Variants in COL17A1 observed in about 807,000 individuals in gnomAD.
COL17A1 encodes collagen alpha-1(XVII) chain.
Under a neutral mutation model 218.4 loss-of-function variants are expected in COL17A1, and 181 were observed. The observed-to-expected ratio is 0.83, with a 90% CI of 0.73 to 0.94. The LOEUF (loss-of-function observed/expected upper bound fraction) is 0.94. Among genes scored for constraint, COL17A1 ranks in the 40% least tolerant of loss-of-function variants. COL17A1 has a pLI of 0.00. For missense variants in COL17A1, 1,924 were observed against 1,945.9 expected (o/e 0.99, Z 0.21); for synonymous variants, 721 against 731.0 (o/e 0.99, Z 0.22).
chr10:104,047,977 C>T lies in COL17A1; in HGVS notation c.2263+92G>A, dbSNP rs2086429265. 2.0e-6 allele frequency: 3 copies of T among 1,500,376 alleles called. No individual in the cohort carries two copies. In the South Asian group the frequency reaches 3.4e-5, roughly 17 times the overall value. The allele number at this position is 1,500,376 out of a possible 1,614,324, so 92.9% of individuals were successfully genotyped here. On this transcript the variant is annotated intron_variant, in intron 30 of 55. Coordinates refer to ENST00000648076, the MANE Select transcript of COL17A1 (RefSeq NM_000494.4). ...TGCACACTTCCACATGCTATATGCT[C>T]CTCTGCACTATGGTTAAGGGGACTG...
At chr10:104,066,932 A>C (rs1162809956) in intron 9 of COL17A1, among the ~76,000 whole-genome samples, 2 of 152,136 alleles carry the variant, frequency 1.3e-5, no homozygotes, top group African/African-American at 4.8e-5. Context: ...GGAATTTTAA[A>C]TAGGAAATAA....
intron 52 of COL17A1, 35 bp downstream of exon 52, chr10:104,033,909 TC>T (rs759186888): frequency 1.7e-5 from 28 of 1,613,420 alleles, no homozygotes; most frequent in South Asian, 4.4e-5. Context: ...CCACGCTCCT[TC>T]CCCCCAGCAC....
At chr10:104,044,944 T>G (rs776097685) in intron 33 of COL17A1, among the ~76,000 whole-genome samples, 3 of 152,172 alleles carry the variant, frequency 2.0e-5, no homozygotes, top group Non-Finnish European at 4.4e-5. Flanking sequence ...AAGAACTCCT[T>G]GGCCCAATCA....
At chr10:104,032,844 C>T in intron 54 of COL17A1, 62 bp downstream of exon 54, 1 of 1,612,086 alleles carries the variant, frequency 6.2e-7, no homozygotes, top group South Asian at 1.1e-5. Flanking sequence ...ACAGGAGCTG[C>T]TTTTCAGTAC....
intron 8 of COL17A1, among the ~76,000 whole-genome samples, chr10:104,071,322 T>C (rs2086667725): frequency 1.3e-5 from 2 of 151,834 alleles, no homozygotes. Flanking sequence ...GGGCCTGGAG[T>C]CAGACTCCAC....
Position 104,039,982 on chromosome 10 carries a change from C to T in COL17A1, c.2779G>A (p.Gly927Arg). ...KGDQGPPGPR[G>R]HQGEQGLPGF... ...GCCGGCTCTACTGTACCTTGGTGTCCTCTGGGGCCTGGGGGACCTGAGGGA... is the reference window on the plus strand; with the variant it reads ...GCCGGCTCTACTGTACCTTGGTGTCTTCTGGGGCCTGGGGGACCTGAGGGA... The change falls in exon 41 of 56, where the codon GGA becomes AGA. Residue 927 changes from glycine (G) to arginine (R), a missense_variant. Transcript: ENST00000648076. 1 of 1,614,134 alleles carries T rather than the reference C, an allele frequency of 6.2e-7. No homozygotes were observed. Among genetic ancestry groups the T allele is most frequent in the Non-Finnish European group, 8.5e-7 (1 of 1,180,028 alleles).
intron 9 of COL17A1, among the ~76,000 whole-genome samples, chr10:104,067,377 G>C (rs1292504570): frequency 6.7e-6 from 1 of 148,928 alleles, no homozygotes; most frequent in African/African-American, 2.5e-5. Context: ...ACATCCAGAG[G>C]ACCTAGTAGG....
chr10:104,052,880 A>C, intron 23 of COL17A1, 151 bp downstream of exon 23: 2 of 953,944 alleles, frequency 2.1e-6, no homozygotes, highest in Non-Finnish European at 3.4e-6. Flanking sequence ...GCGTCTCTGC[A>C]GGGCCTAGCA....
In COL17A1 at chr10:104,032,713, G is replaced by A. The variant is rs1416216500; in HGVS notation, c.4399C>T (p.Pro1467Ser). The A allele has an allele frequency of 6.2e-7, 1 of 1,614,052 alleles. No homozygotes were observed. Among genetic ancestry groups the A allele is most frequent in the Non-Finnish European group, 8.5e-7 (1 of 1,180,018 alleles). Residue 1467 changes from proline (P) to serine (S), a missense_variant, in exon 55 of 56, where the codon CCT (proline) becomes TCT (serine). Transcript: ENST00000648076. ...TCTCCCTTGTGTCCTCGAGGGCCAGGTGGCCCAGGATGACCTGGTGGCCCA... is the reference window on the plus strand; with the variant it reads ...TCTCCCTTGTGTCCTCGAGGGCCAGATGGCCCAGGATGACCTGGTGGCCCA... ...PAGPPGHPGPPGPRGHKGEKG... is the reference protein window; with the variant it reads ...PAGPPGHPGPSGPRGHKGEKG...
At chr10:104,046,869 G>T in intron 31 of COL17A1, 96 bp from the exon 32 acceptor site, 1 of 1,145,854 alleles carries the variant, frequency 8.7e-7, no homozygotes, top group Non-Finnish European at 1.3e-6. Flanking sequence ...ACACTGCAGT[G>T]GAGGGGTCAG....
At chr10:104,042,582 A>C (rs1409002354) in intron 35 of COL17A1, 127 bp from the exon 36 acceptor site, 1 of 901,648 alleles carries the variant, frequency 1.1e-6, no homozygotes, top group Non-Finnish European at 1.8e-6. Context: ...ATTTGAGAGC[A>C]ATAAGCAATT....
At position 104,061,492 on chromosome 10, in the gene COL17A1, G is replaced by T; in HGVS notation, c.911-19C>A. The T allele has an allele frequency of 6.2e-7, 1 of 1,610,372 alleles. No homozygotes were observed. ...CCATATGCTGCAAGAAAGGAAGCTG[G>T]GTCAGCATGGGAGGGTGGTTCCAGG... On this transcript the variant is annotated intron_variant, in intron 12 of 55. Transcript: ENST00000648076.
chr10:104,075,644 T>C (rs2086703097), intron 5 of COL17A1, among the ~76,000 whole-genome samples: 1 of 152,254 alleles, frequency 6.6e-6, no homozygotes, highest in African/African-American at 2.4e-5. Context: ...ATTGTTTTGC[T>C]AAAAACTCTC....
chr10:104,085,004 T>G (rs1018986564), intron 1 of COL17A1, among the ~76,000 whole-genome samples: 1 of 152,210 alleles, frequency 6.6e-6, no homozygotes, highest in African/African-American at 2.4e-5. Flanking sequence ...CTTAGGTATC[T>G]AAACTGGTAA....
intron 25 of COL17A1, 43 bp downstream of exon 25, chr10:104,051,438 T>G: frequency 3.1e-6 from 5 of 1,612,518 alleles, no homozygotes; most frequent in Non-Finnish European, 4.2e-6. Context: ...TTGCCACCTT[T>G]GCCCTGGAAA....
chr10:104,047,627 C>A, intron 31 of COL17A1, 112 bp downstream of exon 31: 1 of 872,664 alleles, frequency 1.1e-6, no homozygotes, highest in Non-Finnish European at 1.9e-6. Flanking sequence ...TACACCCCTT[C>A]CCCCACAACC....
intron 2 of COL17A1, 117 bp from the exon 3 acceptor site, chr10:104,078,703 T>A: frequency 7.2e-7 from 1 of 1,397,670 alleles, no homozygotes; most frequent in South Asian, 1.2e-5. Context: ...GACATTGATT[T>A]TTCTATCCTT....
intron 9 of COL17A1, among the ~76,000 whole-genome samples, chr10:104,065,620 T>C (rs1320649514): frequency 6.6e-6 from 1 of 152,236 alleles, no homozygotes; most frequent in Non-Finnish European, 1.5e-5. Flanking sequence ...ACGAAAACTC[T>C]ACACATTTCC....
rs376536581 is a variant in COL17A1, at chr10:104,040,381, G to T, written c.2731C>A (p.Pro911Thr). 6.2e-7 allele frequency: 1 copy of T among 1,611,262 alleles called. No individual in the cohort carries two copies. Residue 911 changes from proline (P) to threonine (T), a missense_variant, in exon 40 of 56, where the codon CCT (proline) becomes ACT (threonine). Coordinates refer to ENST00000648076, the MANE Select transcript of COL17A1 (RefSeq NM_000494.4). Reference sequence around the variant, plus strand: ...TCTCCCTTGGGACCTGGGGGGCCAGGTGGGCCTGGGGGGCCGGAGAGGAAG... The same window carrying T: ...TCTCCCTTGGGACCTGGGGGGCCAGTTGGGCCTGGGGGGCCGGAGAGGAAG... The part of the protein sequence containing the change: ...ETFLSGPPGP[P>T]GPPGPKGDQG...
Sources: allele counts gnomAD v4.1 joint callset (sites outside exome capture counted in the v4.1 genomes callset), GRCh38; gene constraint gnomAD v4.1.1; transcripts MANE v1.5; gene names NCBI Gene and HGNC (gene_info 2026-07-23, HGNC 2026-07-21).